IL31RA: variants seen among roughly 807,000 people sequenced by gnomAD.
The protein encoded by IL31RA is interleukin-31 receptor subunit alpha.
In IL31RA, 66 loss-of-function variants were observed where a neutral mutation model predicts 83.7. The ratio of observed to expected loss-of-function variants is 0.79; its 90% CI spans 0.65 to 0.97. The LOEUF is 0.97. Ranked by LOEUF, IL31RA falls within the 50% of genes least tolerant of loss-of-function variation. The probability of loss-of-function intolerance (pLI) is 0.00; values close to 1 mark genes in which losing one functional copy is unlikely to be tolerated. For synonymous variants in IL31RA, 325 were observed against 329.0 expected (o/e 0.99, Z 0.13); for missense variants, 798 against 919.4 (o/e 0.87, Z 1.71).
chr5:55,849,728 C>G (rs1745009449), upstream of IL31RA, among the ~76,000 whole-genome samples: 1 of 152,196 alleles, frequency 6.6e-6, no homozygotes, highest in African/African-American at 2.4e-5. Context: ...GCTAGTTGCT[C>G]TCCAAGCCTG....
intron 13 of IL31RA, among the ~76,000 whole-genome samples, chr5:55,914,552 T>C (rs898641594): frequency 1.9e-4 from 29 of 152,284 alleles, no homozygotes; most frequent in Non-Finnish European, 2.4e-4. Flanking sequence ...TCTGTGATGG[T>C]GCAATTTACA....
chr5:55,916,561 G>C, intron 14 of IL31RA, 83 bp from the exon 15 acceptor site: 4 of 1,172,470 alleles, frequency 3.4e-6, no homozygotes, highest in Non-Finnish European at 5.1e-6. Context: ...ATGGGCATTT[G>C]CTGTCCCAAG....
At chr5:55,877,225 A>G (rs1746910513) in intron 4 of IL31RA, among the ~76,000 whole-genome samples, 1 of 152,198 alleles carries the variant, frequency 6.6e-6, no homozygotes, top group South Asian at 2.1e-4. Context: ...TCAATTGCAT[A>G]TAAAACTCTA....
At chr5:55,868,726 G>A in intron 2 of IL31RA, 65 bp from the exon 3 acceptor site, 1 of 956,356 alleles carries the variant, frequency 1.0e-6, no homozygotes, top group South Asian at 1.3e-5. Context: ...AATGTTCAAT[G>A]CTGGCAATAT....
In IL31RA at chr5:55,913,575, G is replaced by A. The variant is rs1424313939; in HGVS notation, c.1736+5G>A. On this transcript the variant is annotated splice_donor_5th_base_variant and intron_variant, in intron 13 of 14. Coordinates refer to ENST00000652347, the MANE Select transcript of IL31RA (RefSeq NM_139017.7). ...ATATGGTCTCAAAAAACCCAAGTGA[G>A]TCTGCAGACAACAGTGGGTGCCTTA... The A allele has an allele frequency of 1.3e-6, 2 of 1,587,722 alleles. No homozygotes were observed. The highest frequency in any genetic ancestry group is 1.7e-6 in the Non-Finnish European group (2 of 1,155,858).
At chr5:55,890,608 A>T (rs1251202316) in intron 6 of IL31RA, among the ~76,000 whole-genome samples, 1 of 152,162 alleles carries the variant, frequency 6.6e-6, no homozygotes, top group African/African-American at 2.4e-5. Context: ...GACCTCAGGT[A>T]ATCTGCCCAC....
At position 55,918,244 on chromosome 5, in the gene IL31RA, C is replaced by A. The variant is rs535602169; in HGVS notation, c.*1124C>A. ...GCTGGTGAGATCAGGGCAGGCGAGGCAATGAGTGAGTGGCCCAAGGTGCAG... is the reference window on the plus strand; with the variant it reads ...GCTGGTGAGATCAGGGCAGGCGAGGAAATGAGTGAGTGGCCCAAGGTGCAG... On this transcript the variant is annotated 3_prime_UTR_variant, in exon 15 of 15. Coordinates refer to ENST00000652347, the MANE Select transcript of IL31RA (RefSeq NM_139017.7). Among the ~76,000 whole-genome samples the A allele has an allele frequency of 1.0e-3, 153 of 152,282 alleles. No individual in the cohort carries two copies. The highest frequency in any genetic ancestry group is 1.3e-3 in the Non-Finnish European group (89 of 68,016).
intron 2 of IL31RA, among the ~76,000 whole-genome samples, chr5:55,861,768 GT>G (rs1745703102): frequency 1.3e-5 from 2 of 152,068 alleles, no homozygotes; most frequent in Admixed American, 6.5e-5. Context: ...TTCTATCTCT[GT>G]TTTCCACTCT....
At chr5:55,843,458 A>G in the IL31RA span, among the ~76,000 whole-genome samples, 1 of 152,134 alleles carries the variant, frequency 6.6e-6, no homozygotes, top group Non-Finnish European at 1.5e-5. Flanking sequence ...TCCTGCTCTT[A>G]TTTAAAGAAT....
At chr5:55,894,315 A>C (rs1161836739) in intron 6 of IL31RA, among the ~76,000 whole-genome samples, 1 of 152,108 alleles carries the variant, frequency 6.6e-6, no homozygotes, top group Non-Finnish European at 1.5e-5. Context: ...CACTGCTTAC[A>C]TCTCACTGGC....
At chr5:55,843,072 T>C in the IL31RA span, among the ~76,000 whole-genome samples, 1 of 152,170 alleles carries the variant, frequency 6.6e-6, no homozygotes, top group Non-Finnish European at 1.5e-5. Flanking sequence ...ATCTTCCCTT[T>C]TGCATGCATG....
At chr5:55,848,999 A>G (rs1278441685), upstream of IL31RA, among the ~76,000 whole-genome samples, 1 of 152,242 alleles carries the variant, frequency 6.6e-6, no homozygotes, top group Non-Finnish European at 1.5e-5. Flanking sequence ...CAGACTGAGA[A>G]TGACATCTAT....
At chr5:55,841,504 C>T in the IL31RA span, among the ~76,000 whole-genome samples, 1 of 152,184 alleles carries the variant, frequency 6.6e-6, no homozygotes, top group East Asian at 1.9e-4. Flanking sequence ...GGACTTAATA[C>T]AACAGGGTCT....
At chr5:55,904,229 C>T (rs1748995899) in intron 8 of IL31RA, among the ~76,000 whole-genome samples, 1 of 152,108 alleles carries the variant, frequency 6.6e-6, no homozygotes, top group South Asian at 2.1e-4. Flanking sequence ...AGATAAAAGC[C>T]CCAGGGAGGG....
rs139868957 is a variant in IL31RA, at chr5:55,921,287, T to C, written c.*4167T>C. On this transcript the variant is annotated 3_prime_UTR_variant, in exon 15 of 15. Transcript: ENST00000652347. ...GCACCTGTACACATTTTTCAGCTAATTGCAAATCATACTGAATACATTATG... is the reference window on the plus strand; with the variant it reads ...GCACCTGTACACATTTTTCAGCTAACTGCAAATCATACTGAATACATTATG... Among the ~76,000 whole-genome samples, 1 of 152,362 alleles carries C rather than the reference T, an allele frequency of 6.6e-6. No homozygotes were observed. Among genetic ancestry groups the C allele is most frequent in the East Asian group, 1.9e-4 (1 of 5,190 alleles).
At chr5:55,905,245 C>A (rs561345524) in intron 8 of IL31RA, among the ~76,000 whole-genome samples, 1 of 150,746 alleles carries the variant, frequency 6.6e-6, no homozygotes, top group Non-Finnish European at 1.5e-5. Flanking sequence ...GAAAAAGAAA[C>A]GCTTTTCCCA....
At chr5:55,882,040 C>T (rs1188087407) in intron 4 of IL31RA, among the ~76,000 whole-genome samples, 3 of 152,046 alleles carry the variant, frequency 2.0e-5, no homozygotes, top group Non-Finnish European at 4.4e-5. Flanking sequence ...GGGGAGCTGC[C>T]AATCACCAGT....
the IL31RA span, chr5:55,840,171 AAAT>A: frequency 7.6e-6 from 2 of 263,868 alleles, no homozygotes; most frequent in Non-Finnish European, 1.5e-5. Flanking sequence ...TGTGTGGTGG[AAAT>A]ACTACATAAT....
At chr5:55,844,455 G>A in the IL31RA span, among the ~76,000 whole-genome samples, 2 of 152,168 alleles carry the variant, frequency 1.3e-5, no homozygotes, top group Non-Finnish European at 2.9e-5. Context: ...TTCTTATTGT[G>A]AGTTGACCTA....
Sources: allele counts gnomAD v4.1 joint callset (sites outside exome capture counted in the v4.1 genomes callset), GRCh38; gene constraint gnomAD v4.1.1; transcripts MANE v1.5; gene names NCBI Gene and HGNC (gene_info 2026-07-23, HGNC 2026-07-21).